Variants in SLC25A12 observed in about 807,000 individuals in gnomAD.
SLC25A12 encodes electrogenic aspartate/glutamate antiporter SLC25A12, mitochondrial.
Under a neutral mutation model 83.3 loss-of-function variants are expected in SLC25A12, and 32 were observed. The observed-to-expected ratio is 0.38, with a 90% confidence interval of 0.29 to 0.52. The LOEUF (loss-of-function observed/expected upper bound fraction) is 0.52, where lower values mean the gene tolerates loss of function less well. Ranked by LOEUF, SLC25A12 falls within the 20% of genes least tolerant of loss-of-function variation. SLC25A12 has a pLI of 0.84. For missense variants in SLC25A12, 611 were observed against 835.6 expected, an observed-to-expected ratio of 0.73 and a Z score of 3.31; for synonymous variants, 267 against 291.1, an observed-to-expected ratio of 0.92 and a Z score of 0.84.
At chr2:171,799,668 C>T (rs991862885) in intron 13 of SLC25A12, among the ~76,000 whole-genome samples, 3 of 152,268 alleles carry the variant, frequency 2.0e-5, no homozygotes, top group East Asian at 3.9e-4. Context: ...TGACCTAGAT[C>T]GTCATAGATT....
chr2:171,874,452 G>A (rs545087886), intron 2 of SLC25A12, among the ~76,000 whole-genome samples: 1 of 152,098 alleles, frequency 6.6e-6, no homozygotes, highest in Non-Finnish European at 1.5e-5. Context: ...CTTTGTTCTC[G>A]CTCTTCACAA....
At chr2:171,793,856 C>T in intron 13 of SLC25A12, 89 bp from the exon 14 acceptor site, 1 of 1,448,494 alleles carries the variant, frequency 6.9e-7, no homozygotes, top group South Asian at 1.2e-5. Context: ...GCCTCCACAT[C>T]TTGCTATCTT....
At chr2:171,834,964 A>G in intron 6 of SLC25A12, 99 bp from the exon 7 acceptor site, 1 of 1,295,428 alleles carries the variant, frequency 7.7e-7, no homozygotes, top group South Asian at 1.3e-5. Flanking sequence ...AGGAGTCTTC[A>G]CTGTTAAAAT....
intron 3 of SLC25A12, among the ~76,000 whole-genome samples, chr2:171,866,716 C>A (rs2105915306): frequency 7.5e-6 from 1 of 134,058 alleles, no homozygotes; most frequent in African/African-American, 2.9e-5. Flanking sequence ...GGCAGCCGGG[C>A]AGAGGCGCCC....
In SLC25A12 at chr2:171,808,236, G is replaced by A. The variant is rs1343117228; in HGVS notation, c.1305+1370C>T. Among the ~76,000 whole-genome samples the A allele has an allele frequency of 3.4e-5, 5 of 148,746 alleles. 1 individual carries two copies. Among genetic ancestry groups the A allele is most frequent in the Admixed American group, 6.7e-5 (1 of 14,970 alleles). On this transcript the variant is annotated intron_variant, in intron 13 of 17. Coordinates refer to ENST00000422440, the MANE Select transcript of SLC25A12 (RefSeq NM_003705.5). ...ACTTTAAAGACAGAAACCTTTGTGC[G>A]CTAAGTAAATATCTGAGTCTCTTGG...
intron 2 of SLC25A12, among the ~76,000 whole-genome samples, chr2:171,891,777 A>G (rs1685944418): frequency 6.6e-6 from 1 of 152,264 alleles, no homozygotes; most frequent in Non-Finnish European, 1.5e-5. Context: ...GCCTGCAAGG[A>G]ATAAAGGTTT....
At chr2:171,812,068 T>C (rs1683956421) in intron 11 of SLC25A12, among the ~76,000 whole-genome samples, 1 of 152,192 alleles carries the variant, frequency 6.6e-6, no homozygotes, top group Admixed American at 6.5e-5. Flanking sequence ...ACAGGGTACA[T>C]GCTGTACAGG....
At chr2:171,874,241 A>C (rs1685517640) in intron 2 of SLC25A12, among the ~76,000 whole-genome samples, 1 of 151,596 alleles carries the variant, frequency 6.6e-6, no homozygotes, top group East Asian at 1.9e-4. Context: ...AAATAATAAT[A>C]ATTAGTTGGG....
intron 2 of SLC25A12, among the ~76,000 whole-genome samples, chr2:171,882,270 C>T (rs989665073): frequency 2.0e-5 from 3 of 152,184 alleles, no homozygotes; most frequent in African/African-American, 7.2e-5. Context: ...CCTCAATTTA[C>T]ACAGGTCATT....
At chr2:171,872,249 A>T (rs1685471877) in intron 2 of SLC25A12, among the ~76,000 whole-genome samples, 1 of 152,238 alleles carries the variant, frequency 6.6e-6, no homozygotes, top group African/African-American at 2.4e-5. Flanking sequence ...AACAATAAAT[A>T]TATAAACACA....
chr2:171,819,702 G>GTTT (rs1350556588), intron 9 of SLC25A12, among the ~76,000 whole-genome samples: 1 of 151,432 alleles, frequency 6.6e-6, no homozygotes, highest in Non-Finnish European at 1.5e-5. Context: ...AATATCACAG[G>GTTT]TGAAAGAGGT....
At chr2:171,826,759 A>AT (rs778230455) in intron 9 of SLC25A12, 39 bp downstream of exon 9, 4 of 1,174,670 alleles carry the variant, frequency 3.4e-6, no homozygotes, top group Non-Finnish European at 3.9e-6. Context: ...CTAGTTCAGC[A>AT]TTTTTTTAAG....
rs1460642487 is a variant in SLC25A12 at position 171,866,254 on chromosome 2, C to T, written c.209+2427G>A. The stretch of plus-strand genomic sequence containing the variant: ...CCTCTTTCTACACAGACACGGCAAC[C>T]ATCCGATTTCTCAATCTTTTCCCCA... On this transcript the variant is annotated intron_variant, in intron 3 of 17. Transcript: ENST00000422440. 4.2e-5 allele frequency among the ~76,000 whole-genome samples: 6 copies of T among 144,384 alleles called. No individual in the cohort carries two copies. In the East Asian group the frequency reaches 6.3e-4, roughly 15 times the overall value. The allele number at this position is 144,384 out of a possible 152,430, so 94.7% of individuals were successfully genotyped here.
At chr2:171,804,740 T>A (rs1277416807) in intron 13 of SLC25A12, among the ~76,000 whole-genome samples, 1 of 152,148 alleles carries the variant, frequency 6.6e-6, no homozygotes, top group Non-Finnish European at 1.5e-5. Context: ...AGACCCTGTC[T>A]CTATGAAAAA....
At chr2:171,888,791 C>T (rs1459359515) in intron 2 of SLC25A12, among the ~76,000 whole-genome samples, 1 of 152,042 alleles carries the variant, frequency 6.6e-6, no homozygotes, top group Non-Finnish European at 1.5e-5. Context: ...AAAAGTTTAA[C>T]AAAATATTCT....
intron 13 of SLC25A12, among the ~76,000 whole-genome samples, chr2:171,799,471 T>C (rs1349829006): frequency 6.6e-6 from 1 of 152,176 alleles, no homozygotes; most frequent in Non-Finnish European, 1.5e-5. Flanking sequence ...GACATAGAAT[T>C]CTTCATCATA....
chr2:171,871,720 G>A, intron 2 of SLC25A12: 1 of 985,096 alleles, frequency 1.0e-6, no homozygotes, highest in Non-Finnish European at 1.2e-6. Flanking sequence ...GAATAGCACA[G>A]ATCAGATTAT....
intron 13 of SLC25A12, among the ~76,000 whole-genome samples, chr2:171,804,507 C>T (rs1196206962): frequency 6.6e-6 from 1 of 152,130 alleles, no homozygotes; most frequent in Non-Finnish European, 1.5e-5. Flanking sequence ...GTGATCCACA[C>T]ACCTCAGCCT....
chr2:171,847,867 CTT>C (rs1684832862), intron 4 of SLC25A12, among the ~76,000 whole-genome samples: 1 of 152,066 alleles, frequency 6.6e-6, no homozygotes, highest in Admixed American at 6.6e-5. Context: ...ATTATGTTCT[CTT>C]TGCTCAAAGG....
Sources: allele counts gnomAD v4.1 joint callset (sites outside exome capture counted in the v4.1 genomes callset), GRCh38; gene constraint gnomAD v4.1.1; transcripts MANE v1.5; gene names NCBI Gene and HGNC (gene_info 2026-07-23, HGNC 2026-07-21).